Variants in LPIN2 observed in about 807,000 individuals in gnomAD.
The protein encoded by LPIN2 is lipin 2.
LPIN2 carries 55 observed loss-of-function variants against 111.4 expected under a neutral mutation model. The observed-to-expected ratio is 0.49, with a 90% confidence interval of 0.40 to 0.62. LPIN2 has a LOEUF of 0.62. Among genes scored for constraint, LPIN2 ranks in the 20% least tolerant of loss-of-function variants. The probability of loss-of-function intolerance (pLI) is 0.00; values close to 1 mark genes in which losing one functional copy is unlikely to be tolerated. For missense variants in LPIN2, 992 were observed against 1,112.1 expected, an observed-to-expected ratio of 0.89 and a Z score of 1.54; for synonymous variants, 425 against 414.0, an observed-to-expected ratio of 1.03 and a Z score of -0.32.
chr18:3,006,228 G>A (rs758300924), intron 1 of LPIN2, among the ~76,000 whole-genome samples: 1 of 152,176 alleles, frequency 6.6e-6, no homozygotes, highest in Non-Finnish European at 1.5e-5. Flanking sequence ...AATACCTAGT[G>A]TTCCTAAGTA....
rs544560707 is a variant in LPIN2 at position 2,983,573 on chromosome 18, C to T, written c.-9-22724G>A. ...TTTCATACCATTGTCTAGGATTGTG[C>T]TGTTCATCACAAACAGCCATTAGCC... On this transcript the variant is annotated intron_variant, in intron 1 of 19. Coordinates refer to ENST00000677752, the MANE Select transcript of LPIN2 (RefSeq NM_001375808.2). 2.6e-3 allele frequency among the ~76,000 whole-genome samples: 395 copies of T among 152,252 alleles called. 1 individual carries two copies. The highest frequency in any genetic ancestry group is 8.8e-3 in the African/African-American group (367 of 41,530).
chr18:2,938,473 G>A (rs940059543), intron 6 of LPIN2, among the ~76,000 whole-genome samples: 1 of 152,116 alleles, frequency 6.6e-6, no homozygotes, highest in Non-Finnish European at 1.5e-5. Flanking sequence ...GCAGTGAGCC[G>A]AGATGGCACC....
rs2076998750 is a variant in LPIN2, at chr18:2,918,293, C to A, written c.*2000G>T. Reference sequence around the variant, plus strand: ...TCAAGAAAAAGAAACTAGTCAAAAACTCTTTAAAGGACAACCTAAAAAGGA... The same window carrying A: ...TCAAGAAAAAGAAACTAGTCAAAAAATCTTTAAAGGACAACCTAAAAAGGA... On this transcript the variant is annotated 3_prime_UTR_variant, in exon 20 of 20. Transcript: ENST00000677752. 6.6e-6 allele frequency: 1 copy of A among 152,196 alleles called. No homozygotes were observed. Among genetic ancestry groups the A allele is most frequent in the Non-Finnish European group, 1.5e-5 (1 of 68,040 alleles). 9.4% of individuals were successfully genotyped at this position (152,196 alleles called of 1,614,324 possible). A position where few individuals can be genotyped will look rare whatever the true frequency, so the allele number is the denominator to read the frequency against.
intron 19 of LPIN2, 53 bp from the exon 20 acceptor site, chr18:2,920,490 A>C: frequency 6.3e-7 from 1 of 1,599,920 alleles, no homozygotes. Context: ...GATCGGTCAA[A>C]GGCACAAGAT....
intron 5 of LPIN2, among the ~76,000 whole-genome samples, chr18:2,940,162 CA>C (rs5822728): frequency 0.95 from 143,935 of 152,118 alleles, 68,300 homozygotes; most frequent in East Asian, 1. Flanking sequence ...TCTGTCTCTA[CA>C]AAAAAATTTA....
chr18:2,991,120 G>A (rs542222363), intron 1 of LPIN2: 27 of 408,626 alleles, frequency 6.6e-5, no homozygotes, highest in Admixed American at 1.4e-4. Context: ...GTTTTATATT[G>A]CTTGCTCTGC....
chr18:2,954,379 G>A, intron 3 of LPIN2, 125 bp downstream of exon 3: 1 of 714,496 alleles, frequency 1.4e-6, no homozygotes, highest in Non-Finnish European at 2.5e-6. Flanking sequence ...TGAAACTAAA[G>A]CTTGTCTTGC....
At chr18:2,948,750 G>A (rs551255350) in intron 4 of LPIN2, among the ~76,000 whole-genome samples, 5 of 151,732 alleles carry the variant, frequency 3.3e-5, no homozygotes, top group Admixed American at 1.3e-4. Flanking sequence ...AAAAGAATAC[G>A]TTTCTTGCCC....
chr18:2,924,616 GAAC>G (rs1355053030), intron 14 of LPIN2, 70 bp from the exon 15 acceptor site: 21 of 1,514,940 alleles, frequency 1.4e-5, no homozygotes, highest in African/African-American at 2.7e-5. Flanking sequence ...AAAATTTACA[GAAC>G]AACTGGTGTC....
At chr18:2,939,953 A>G (rs1482889644) in intron 5 of LPIN2, among the ~76,000 whole-genome samples, 1 of 152,260 alleles carries the variant, frequency 6.6e-6, no homozygotes, top group Non-Finnish European at 1.5e-5. Flanking sequence ...ATTGCAGAAT[A>G]AACAGTTATG....
intron 2 of LPIN2, 28 bp downstream of exon 2, chr18:2,960,621 G>T: frequency 6.2e-7 from 1 of 1,606,904 alleles, no homozygotes; most frequent in South Asian, 1.1e-5. Context: ...ATCTCAGGAT[G>T]ACTTTTCCTC....
At chr18:2,921,940 T>TG in intron 17 of LPIN2, 107 bp downstream of exon 17, 1 of 1,411,936 alleles carries the variant, frequency 7.1e-7, no homozygotes. Context: ...GGGAGAGGCG[T>TG]GGCGGCTCCA....
chr18:2,994,471 T>C (rs1319357691), intron 1 of LPIN2, among the ~76,000 whole-genome samples: 3 of 152,222 alleles, frequency 2.0e-5, no homozygotes, highest in Non-Finnish European at 4.4e-5. Flanking sequence ...TGACTGGATT[T>C]ATAGCTTTAA....
At chr18:3,000,859 T>C (rs3016594) in intron 1 of LPIN2, among the ~76,000 whole-genome samples, 138,652 of 151,474 alleles carry the variant, frequency 0.92, 64,226 homozygotes, top group East Asian at 1. Context: ...AGATGGCAAA[T>C]CCCAAACCAA....
chr18:2,957,715 A>G (rs1326416033), intron 2 of LPIN2, among the ~76,000 whole-genome samples: 1 of 152,178 alleles, frequency 6.6e-6, no homozygotes, highest in African/African-American at 2.4e-5. Flanking sequence ...CATTAGAGAG[A>G]AAACAGAAGT....
At chr18:3,007,099 C>T (rs1024594730) in intron 1 of LPIN2, among the ~76,000 whole-genome samples, 2 of 152,026 alleles carry the variant, frequency 1.3e-5, no homozygotes, top group African/African-American at 4.8e-5. Context: ...CTCTTATTCT[C>T]GAATAGTTCA....
chr18:2,924,657 T>C, intron 14 of LPIN2, 111 bp from the exon 15 acceptor site: 1 of 1,155,872 alleles, frequency 8.7e-7, no homozygotes, highest in Non-Finnish European at 1.3e-6. Context: ...GGCAGGATGG[T>C]TTCCGGGGTC....
rs989377219 is a variant in LPIN2, at chr18:2,917,272, T to C, written c.*3021A>G. ...AACAAAACCAAAAGAGTAGTTTTCA[T>C]CTGGAAAGAGCACTTACTTCAGGGA... On this transcript the variant is annotated 3_prime_UTR_variant, in exon 20 of 20. Coordinates refer to ENST00000677752, the MANE Select transcript of LPIN2 (RefSeq NM_001375808.2). The C allele has an allele frequency of 2.0e-5, 3 of 152,226 alleles. No homozygotes were observed. Among genetic ancestry groups the C allele is most frequent in the African/African-American group, 7.2e-5 (3 of 41,470 alleles). The allele number at this position is 152,226 out of a possible 1,614,324, so 9.4% of individuals were successfully genotyped here. A position where few individuals can be genotyped will look rare whatever the true frequency, so the allele number is the denominator to read the frequency against.
chr18:2,986,527 AT>A (rs1348446015), intron 1 of LPIN2, among the ~76,000 whole-genome samples: 1 of 134,866 alleles, frequency 7.4e-6, no homozygotes, highest in Non-Finnish European at 1.6e-5. Context: ...GTCTATTGTG[AT>A]AAGTCTATTT....
Sources: allele counts gnomAD v4.1 joint callset (sites outside exome capture counted in the v4.1 genomes callset), GRCh38; gene constraint gnomAD v4.1.1; transcripts MANE v1.5; gene names NCBI Gene and HGNC (gene_info 2026-07-23, HGNC 2026-07-21).